DCAF4L2: variants seen among roughly 807,000 people sequenced by gnomAD.
DCAF4L2 encodes the protein DDB1- and CUL4-associated factor 4-like protein 2.
DCAF4L2 carries 13 observed loss-of-function variants against 15.5 expected under a neutral mutation model. The ratio of observed to expected loss-of-function variants is 0.84; its 90% CI spans 0.54 to 1.33. The LOEUF (loss-of-function observed/expected upper bound fraction) is 1.33. Ranked by LOEUF, DCAF4L2 falls within the 40% of genes most tolerant of loss-of-function variation. DCAF4L2 has a pLI of 0.00. For missense variants in DCAF4L2, 519 were observed against 509.6 expected, an observed-to-expected ratio of 1.02 and a Z score of -0.18; for synonymous variants, 251 against 207.0, an observed-to-expected ratio of 1.21 and a Z score of -1.83.
chr8:87,873,169 G>C lies in DCAF4L2; in HGVS notation c.803C>G (p.Ser268Cys), dbSNP rs139324908. 1.9e-6 allele frequency: 3 copies of C among 1,614,126 alleles called. No homozygotes were observed. The highest frequency in any genetic ancestry group is 2.5e-6 in the Non-Finnish European group (3 of 1,180,018). The part of the protein sequence containing the change: ...QGSGWKAICL[S>C]HDSAVTSLQI... ...CAGAGAAGTCACTGCTGAATCATGGGACAGGCAAATGGCCTTCCACCCGCT... is the reference window on the plus strand; with the variant it reads ...CAGAGAAGTCACTGCTGAATCATGGCACAGGCAAATGGCCTTCCACCCGCT... Residue 268 changes from serine to cysteine, a missense_variant, in exon 1 of 1, where the codon TCC becomes TGC. Ser to Cys is a moderately radical substitution (Grantham distance 112). Transcript: ENST00000319675.
At position 87,871,265 on chromosome 8, in the gene DCAF4L2, C is replaced by T. The variant is rs1042485767; in HGVS notation, c.*1519G>A. 1 of 152,410 alleles carries T rather than the reference C, an allele frequency of 6.6e-6. No individual in the cohort carries two copies. Among genetic ancestry groups the T allele is most frequent in the Admixed American group, 6.5e-5 (1 of 15,276 alleles). The allele number at this position is 152,410 out of a possible 1,614,324, so 9.4% of individuals were successfully genotyped here. ...ATTTTAGTAAATGACACCAACCATC[C>T]ACCAGTCCTAAAGTTAACAAAAAAG... On this transcript the variant is annotated 3_prime_UTR_variant, in exon 1 of 1. Transcript: ENST00000319675.
rs1428960359 is a variant in DCAF4L2 at position 87,873,386 on chromosome 8, C to T, written c.586G>A (p.Ala196Thr). Residue 196 changes from alanine (A) to threonine (T), a missense_variant, in exon 1 of 1, where the codon GCG (alanine) becomes ACG (threonine). Ala to Thr is a moderately conservative substitution (Grantham distance 58). Coordinates refer to ENST00000319675, the MANE Select transcript of DCAF4L2 (RefSeq NM_152418.4). ...AAGCCTGTACTGAAAGAGTGATACG[C>T]GTGGATGCTCAGGGACCAGGCACAG... ...WSCAWSLSIHAYHSFSTGLSQ... is the reference protein window; with the variant it reads ...WSCAWSLSIHTYHSFSTGLSQ... The T allele has an allele frequency of 2.5e-6, 4 of 1,614,150 alleles. No homozygotes were observed. The highest frequency in any genetic ancestry group is 1.6e-4 in the Middle Eastern group (1 of 6,062).
Position 87,873,526 on chromosome 8 carries a change from A to G in DCAF4L2, c.446T>C (p.Leu149Pro). ...CACGGCACAGCTTGGAGTATCTGCA[A>G]GTCCCACGAAGCACAGCAGAAGGTG... The part of the protein sequence containing the change: ...DSHLLLCFVG[L>P]ADTPSCAVLL... Residue 149 changes from leucine to proline, a missense_variant, in exon 1 of 1, where the codon CTT (leucine) becomes CCT (proline). Leu to Pro is a moderately conservative substitution (Grantham distance 98). Transcript: ENST00000319675. 6.2e-7 allele frequency: 1 copy of G among 1,614,236 alleles called. No individual in the cohort carries two copies. The highest frequency in any genetic ancestry group is 1.1e-5 in the South Asian group (1 of 91,092).
In DCAF4L2 at chr8:87,873,141, T is replaced by C; in HGVS notation, c.831A>G (p.Gln277=). 1 of 1,614,194 alleles carries C rather than the reference T, an allele frequency of 6.2e-7. No homozygotes were observed. Among genetic ancestry groups the C allele is most frequent in the Non-Finnish European group, 8.5e-7 (1 of 1,180,042 alleles). The change falls in exon 1 of 1, where the codon CAA becomes CAG. Residue 277 remains glutamine (Q), a synonymous_variant. Transcript: ENST00000319675. The part of the protein sequence containing the change: ...LSHDSAVTSL[Q]ILQDGQFLVS... ...CCAGGAATTGGCCATCTTGGAGGAT[T>C]TGCAGAGAAGTCACTGCTGAATCAT...
chr8:87,872,883 A>G lies in DCAF4L2; in HGVS notation c.1089T>C (p.Ile363=), dbSNP rs1248922799. 1 of 1,614,136 alleles carries G rather than the reference A, an allele frequency of 6.2e-7. No individual in the cohort carries two copies. The highest frequency in any genetic ancestry group is 8.5e-7 in the Non-Finnish European group (1 of 1,180,014). Residue 363 remains isoleucine (I), a synonymous_variant, in exon 1 of 1, where the codon ATT becomes ATC. Transcript: ENST00000319675. ...GGCGAGAAGAGAAGGCCACACTGGG[A>G]ATGTCGTTCTCCGAGGCGGGGTATG... ...PSPYPASEND[I]PSVAFSSRLG...
At position 87,872,763 on chromosome 8, in the gene DCAF4L2, T is replaced by G. The variant is rs757102403; in HGVS notation, c.*21A>C. 1 of 1,535,912 alleles carries G rather than the reference T, an allele frequency of 6.5e-7. No individual in the cohort carries two copies. The highest frequency in any genetic ancestry group is 2.1e-5 in the Admixed American group (1 of 46,818). ...CTTCTTTAAGTCAAATCCACGTTCC[T>G]CCGGGCTGCATCCTGAAGAATTAAC... is the stretch of plus-strand genomic sequence containing the variant. On this transcript the variant is annotated 3_prime_UTR_variant, in exon 1 of 1. Transcript: ENST00000319675.
Position 87,873,726 on chromosome 8 carries a change from G to A in DCAF4L2, c.246C>T (p.Asn82=). The change falls in exon 1 of 1, where the codon AAC becomes AAT. Residue 82 remains asparagine (N), a synonymous_variant. Coordinates refer to ENST00000319675, the MANE Select transcript of DCAF4L2 (RefSeq NM_152418.4). ...DRFNRILANT[N]TDQLFTVNQV... is the part of the protein sequence containing the mutation. Reference sequence around the variant, plus strand: ...GGTTCACTGTGAAGAGCTGGTCAGTGTTGGTATTCGCCAGTATGCGGTTAA... The same window carrying A: ...GGTTCACTGTGAAGAGCTGGTCAGTATTGGTATTCGCCAGTATGCGGTTAA... 3 of 1,614,214 alleles carry A rather than the reference G, an allele frequency of 1.9e-6. No homozygotes were observed. The highest frequency in any genetic ancestry group is 2.5e-6 in the Non-Finnish European group (3 of 1,180,040).
rs1809447335 is a variant in DCAF4L2, at chr8:87,873,697, A to T, written c.275T>A (p.Val92Asp). The T allele has an allele frequency of 2.7e-5, 44 of 1,614,148 alleles. No homozygotes were observed. Among genetic ancestry groups the T allele is most frequent in the Non-Finnish European group, 3.7e-5 (44 of 1,180,036 alleles). ...NTDQLFTVNQVEAGGSKYGII... is the reference protein window; with the variant it reads ...NTDQLFTVNQDEAGGSKYGII... ...GCCGTACTTGGAGCCTCCAGCTTCG[A>T]CTTGGTTCACTGTGAAGAGCTGGTC... The change falls in exon 1 of 1, where the codon GTC becomes GAC. Residue 92 changes from valine to aspartate, a missense_variant. Val to Asp is a radical substitution (Grantham distance 152, BLOSUM62 -3). Coordinates refer to ENST00000319675, the MANE Select transcript of DCAF4L2 (RefSeq NM_152418.4).
At position 87,872,911 on chromosome 8, in the gene DCAF4L2, G is replaced by A. The variant is rs766389714; in HGVS notation, c.1061C>T (p.Ser354Phe). The A allele has an allele frequency of 3.1e-6, 5 of 1,614,180 alleles. No individual in the cohort carries two copies. In the East Asian group the frequency reaches 8.9e-5, roughly 29 times the overall value. The change falls in exon 1 of 1, where the codon TCC (serine) becomes TTC (phenylalanine). Residue 354 changes from serine to phenylalanine, a missense_variant. Coordinates refer to ENST00000319675, the MANE Select transcript of DCAF4L2 (RefSeq NM_152418.4). Reference sequence around the variant, plus strand: ...GTCGTTCTCCGAGGCGGGGTATGGGGAGGGTATGGTTGTGAGCAGGTGGCC... The same window carrying A: ...GTCGTTCTCCGAGGCGGGGTATGGGAAGGGTATGGTTGTGAGCAGGTGGCC... ...RHGHLLTTIP[S>F]PYPASENDIP...
rs768880591 is a variant in DCAF4L2, at chr8:87,873,944, C to T, written c.28G>A (p.Glu10Lys). ...GTCTTTTTCTGCTTGTCTGCTTCCTCGAGCAGTCGCGGTCTTTTGCTCTCC... is the reference window on the plus strand; with the variant it reads ...GTCTTTTTCTGCTTGTCTGCTTCCTTGAGCAGTCGCGGTCTTTTGCTCTCC... MESKRPRLL[E>K]EADKQKKTVR... Residue 10 changes from glutamate (E) to lysine (K), a missense_variant, in exon 1 of 1, where the codon GAG (glutamate) becomes AAG (lysine). Physicochemically the swap from Glu to Lys is moderately conservative, Grantham distance 56. Coordinates refer to ENST00000319675, the MANE Select transcript of DCAF4L2 (RefSeq NM_152418.4). The T allele has an allele frequency of 5.5e-5, 88 of 1,613,882 alleles. 2 individuals are homozygous for T. In the South Asian group the frequency reaches 8.8e-4, roughly 16 times the overall value.
In DCAF4L2 at chr8:87,873,895, G is replaced by A. The variant is rs772946542; in HGVS notation, c.77C>T (p.Pro26Leu). The A allele has an allele frequency of 1.2e-6, 2 of 1,614,118 alleles. No homozygotes were observed. Among genetic ancestry groups the A allele is most frequent in the East Asian group, 4.5e-5 (2 of 44,842 alleles). ...KKTVRVGLNA[P>L]SMLRKNQLGF... is the part of the protein sequence containing the mutation. ...TAGCTGGTTCTTTCGTAGCATGGAA[G>A]GTGCATTGAGTCCCACTCTGACTGT... The change falls in exon 1 of 1, where the codon CCT (proline) becomes CTT (leucine). Residue 26 changes from proline to leucine, a missense_variant. Pro to Leu is a moderately conservative substitution (Grantham distance 98). Transcript: ENST00000319675.
rs1809455673 is a variant in DCAF4L2 at position 87,873,965 on chromosome 8, T to C, written c.7A>G (p.Ser3Gly). The stretch of plus-strand genomic sequence containing the variant: ...TCCTCGAGCAGTCGCGGTCTTTTGC[T>C]CTCCATTTCGTTCGGCGGATGTTCT... ME[S>G]KRPRLLEEAD... Residue 3 changes from serine to glycine, a missense_variant, in exon 1 of 1, where the codon AGC becomes GGC. Transcript: ENST00000319675. 6.2e-7 allele frequency: 1 copy of C among 1,613,186 alleles called. No homozygotes were observed. The highest frequency in any genetic ancestry group is 1.3e-5 in the African/African-American group (1 of 74,832).
In DCAF4L2 at chr8:87,873,633, C is replaced by G; in HGVS notation, c.339G>C (p.Arg113=). 6.2e-7 allele frequency: 1 copy of G among 1,614,160 alleles called. No homozygotes were observed. Among genetic ancestry groups the G allele is most frequent in the East Asian group, 2.2e-5 (1 of 44,868 alleles). Residue 113 remains arginine, a synonymous_variant, in exon 1 of 1, where the codon CGG becomes CGC. Coordinates refer to ENST00000319675, the MANE Select transcript of DCAF4L2 (RefSeq NM_152418.4). ...CGTAGAGGGTTTTGTGCGGGTATAC[C>G]CGGAGCTCAGGGGTCGTCAGGCCTC... is the stretch of plus-strand genomic sequence containing the variant. The part of the protein sequence containing the change: ...TMRGLTTPEL[R]VYPHKTLYVP...
Position 87,873,832 on chromosome 8 carries a change from C to A in DCAF4L2, c.140G>T (p.Arg47Leu). 1 of 1,614,100 alleles carries A rather than the reference C, an allele frequency of 6.2e-7. No homozygotes were observed. Among genetic ancestry groups the A allele is most frequent in the Non-Finnish European group, 8.5e-7 (1 of 1,180,034 alleles). ...CTGCATGCAGCTTACACGCAGCTCGCGAGCTATACGGCAATAGTTGGCGAA... is the reference window on the plus strand; with the variant it reads ...CTGCATGCAGCTTACACGCAGCTCGAGAGCTATACGGCAATAGTTGGCGAA... The part of the protein sequence containing the change: ...LRFANYCRIA[R>L]ELRVSCMQRK... The change falls in exon 1 of 1, where the codon CGC (arginine) becomes CTC (leucine). Residue 47 changes from arginine to leucine, a missense_variant. Transcript: ENST00000319675.
At position 87,873,247 on chromosome 8, in the gene DCAF4L2, C is replaced by T; in HGVS notation, c.725G>A (p.Gly242Asp). 1 of 1,614,164 alleles carries T rather than the reference C, an allele frequency of 6.2e-7. No homozygotes were observed. Residue 242 changes from glycine to aspartate, a missense_variant, in exon 1 of 1, where the codon GGC (glycine) becomes GAC (aspartate). Physicochemically the swap from Gly to Asp is moderately conservative, Grantham distance 94 (BLOSUM62 -1). Transcript: ENST00000319675. ...FAIMTPLLFN[G>D]CRSGEIFGID... Reference sequence around the variant, plus strand: ...GCCAAAGATCTCCCCAGAGCGACAGCCATTAAACAGCAAAGGAGTCATGAT... The same window carrying T: ...GCCAAAGATCTCCCCAGAGCGACAGTCATTAAACAGCAAAGGAGTCATGAT...
Position 87,872,744 on chromosome 8 carries a change from T to A in DCAF4L2, c.*40A>T. Reference sequence around the variant, plus strand: ...GGTAATACGATGCTCTTTACTTCTTTAAGTCAAATCCACGTTCCTCCGGGC... The same window carrying A: ...GGTAATACGATGCTCTTTACTTCTTAAAGTCAAATCCACGTTCCTCCGGGC... On this transcript the variant is annotated 3_prime_UTR_variant, in exon 1 of 1. Coordinates refer to ENST00000319675, the MANE Select transcript of DCAF4L2 (RefSeq NM_152418.4). 1 of 1,519,748 alleles carries A rather than the reference T, an allele frequency of 6.6e-7. No individual in the cohort carries two copies. Among genetic ancestry groups the A allele is most frequent in the Non-Finnish European group, 8.8e-7 (1 of 1,135,146 alleles). 94.1% of individuals were successfully genotyped at this position (1,519,748 alleles called of 1,614,324 possible).
Position 87,873,164 on chromosome 8 carries a change from C to T in DCAF4L2, c.808G>A (p.Asp270Asn). 6.2e-7 allele frequency: 1 copy of T among 1,614,182 alleles called. No individual in the cohort carries two copies. The highest frequency in any genetic ancestry group is 8.5e-7 in the Non-Finnish European group (1 of 1,180,028). Residue 270 changes from aspartate to asparagine, a missense_variant, in exon 1 of 1, where the codon GAT becomes AAT. Physicochemically the swap from Asp to Asn is conservative, Grantham distance 23. Transcript: ENST00000319675. ...SGWKAICLSH[D>N]SAVTSLQILQ... ...ATTTGCAGAGAAGTCACTGCTGAAT[C>T]ATGGGACAGGCAAATGGCCTTCCAC...
rs1163522387 is a variant in DCAF4L2 at position 87,870,776 on chromosome 8, AG to A, written c.*2007del. 2 of 152,174 alleles carry A rather than the reference AG, an allele frequency of 1.3e-5. No individual in the cohort carries two copies. The highest frequency in any genetic ancestry group is 4.8e-5 in the African/African-American group (2 of 41,442). 9.4% of individuals were successfully genotyped at this position (152,174 alleles called of 1,614,324 possible). ...TTTGCACTTATTTTATTTGCAAGTG[AG>A]GGTAAACAGATTCGCAAGTTACGTA... On this transcript the variant is annotated 3_prime_UTR_variant, in exon 1 of 1. Transcript: ENST00000319675.
Position 87,873,036 on chromosome 8 carries a change from C to T in DCAF4L2, c.936G>A (p.Val312=), listed in dbSNP as rs773515750. 4.7e-5 allele frequency: 76 copies of T among 1,614,056 alleles called. No individual in the cohort carries two copies. In the Admixed American group the frequency reaches 1.1e-3, roughly 24 times the overall value. Reference sequence around the variant, plus strand: ...GCACGGGTAGGTAGGCGGAGTTATTCACATGACCTTCGTACTGTGTTACAC... The same window carrying T: ...GCACGGGTAGGTAGGCGGAGTTATTTACATGACCTTCGTACTGTGTTACAC... The part of the protein sequence containing the change: ...TKCVTQYEGH[V]NNSAYLPVHV... Residue 312 remains valine, a synonymous_variant, in exon 1 of 1, where the codon GTG becomes GTA. Coordinates refer to ENST00000319675, the MANE Select transcript of DCAF4L2 (RefSeq NM_152418.4).
Sources: gnomAD v4.1 joint callset for allele counts on GRCh38, gnomAD v4.1.1 for gene constraint, MANE v1.5 for transcripts, NCBI Gene and HGNC (gene_info 2026-07-23, HGNC 2026-07-21) for gene names.